Variants in PAX5 observed in about 807,000 individuals in gnomAD.
PAX5 encodes the protein paired box 5, also known as paired box protein Pax-5.
A neutral mutation model predicts 43.7 loss-of-function variants in PAX5; 9 were observed. The observed-to-expected ratio is 0.21, with a 90% CI of 0.12 to 0.36. The LOEUF (loss-of-function observed/expected upper bound fraction) is 0.36. PAX5 is among the 10% of genes least tolerant of loss of function. The pLI is 1.00. For synonymous variants in PAX5, 228 were observed against 214.3 expected (o/e 1.06, Z -0.56); for missense variants, 383 against 532.7 (o/e 0.72, Z 2.77).
chr9:36,900,192 C>A (rs773389665), intron 7 of PAX5, among the ~76,000 whole-genome samples: 2 of 152,242 alleles, frequency 1.3e-5, no homozygotes, highest in Non-Finnish European at 2.9e-5. Flanking sequence ...GCCTCCCTTG[C>A]GTGAGGGTGC....
At position 36,835,842 on chromosome 9, in the gene PAX5, C is replaced by T. The variant is rs902274946; in HGVS notation, c.*4718G>A. 4.3e-6 allele frequency: 1 copy of T among 233,308 alleles called. No homozygotes were observed. Among genetic ancestry groups the T allele is most frequent in the African/African-American group, 2.2e-5 (1 of 45,440 alleles). 14.5% of individuals were successfully genotyped at this position (233,308 alleles called of 1,614,324 possible). A position where few individuals can be genotyped will look rare whatever the true frequency, so the allele number is the denominator to read the frequency against. ...GGTCTAGCTCAGAGCCCTGTGGGAT[C>T]CACCCATGCCTGCCTGGGCCTGGCC... On this transcript the variant is annotated 3_prime_UTR_variant, in exon 10 of 10. Transcript: ENST00000358127.
In PAX5 at chr9:36,966,682, C is replaced by T. The variant is rs779726338; in HGVS notation, c.647G>A (p.Gly216Asp). ...SPVPNGHSLPGRDFLRKQMRG... is the reference protein window; with the variant it reads ...SPVPNGHSLPDRDFLRKQMRG... ...CATCTGCTTCCGGAGGAAGTCTCTGCCCGGAAGCGAGTGGCCGTTCGGCAC... is the reference window on the plus strand; with the variant it reads ...CATCTGCTTCCGGAGGAAGTCTCTGTCCGGAAGCGAGTGGCCGTTCGGCAC... Residue 216 changes from glycine (G) to aspartate (D), a missense_variant, in exon 6 of 10, where the codon GGC becomes GAC. Coordinates refer to ENST00000358127, the MANE Select transcript of PAX5 (RefSeq NM_016734.3). The T allele has an allele frequency of 6.2e-7, 1 of 1,614,198 alleles. No homozygotes were observed. The highest frequency in any genetic ancestry group is 8.5e-7 in the Non-Finnish European group (1 of 1,180,024).
At chr9:36,910,070 T>G (rs1197513446) in intron 7 of PAX5, among the ~76,000 whole-genome samples, 2 of 152,114 alleles carry the variant, frequency 1.3e-5, no homozygotes, top group East Asian at 3.9e-4. Context: ...CAATCCACCC[T>G]CTTAATGTTA....
At chr9:36,844,189 A>C (rs1822347177) in intron 9 of PAX5, among the ~76,000 whole-genome samples, 2 of 152,222 alleles carry the variant, frequency 1.3e-5, no homozygotes, top group South Asian at 2.1e-4. Flanking sequence ...TTCAGGACTC[A>C]GGACTCCCAA....
At chr9:36,919,543 T>C (rs886461311) in intron 7 of PAX5, among the ~76,000 whole-genome samples, 10 of 151,976 alleles carry the variant, frequency 6.6e-5, no homozygotes, top group Non-Finnish European at 1.2e-4. Flanking sequence ...AAAGATACCA[T>C]TAAGAACATT....
intron 5 of PAX5, among the ~76,000 whole-genome samples, chr9:36,984,811 C>A (rs1384001852): frequency 6.6e-6 from 1 of 152,168 alleles, no homozygotes; most frequent in African/African-American, 2.4e-5. Flanking sequence ...ACTCACCACA[C>A]TCGCCTATCA....
At chr9:36,949,575 C>A (rs1275502155) in intron 6 of PAX5, among the ~76,000 whole-genome samples, 1 of 152,228 alleles carries the variant, frequency 6.6e-6, no homozygotes, top group African/African-American at 2.4e-5. Context: ...TTTATTACCA[C>A]AATCTCCCAA....
chr9:36,955,058 A>T (rs1195453515), intron 6 of PAX5, among the ~76,000 whole-genome samples: 1 of 151,970 alleles, frequency 6.6e-6, no homozygotes, highest in Non-Finnish European at 1.5e-5. Context: ...ATTTCTAGAA[A>T]ATTTATTTGA....
chr9:36,928,879 T>C (rs1830875949), intron 6 of PAX5, among the ~76,000 whole-genome samples: 1 of 152,210 alleles, frequency 6.6e-6, no homozygotes, highest in South Asian at 2.1e-4. Flanking sequence ...AAATTCCTTA[T>C]CAATCCCTCC....
intron 7 of PAX5, among the ~76,000 whole-genome samples, chr9:36,885,098 C>T (rs960204647): frequency 7.2e-5 from 11 of 152,226 alleles, no homozygotes; most frequent in Non-Finnish European, 1.6e-4. Flanking sequence ...CTGGGTTGTT[C>T]CTTGCAAGGA....
intron 5 of PAX5, among the ~76,000 whole-genome samples, chr9:37,000,705 C>G (rs1348005952): frequency 6.6e-6 from 1 of 152,182 alleles, no homozygotes; most frequent in African/African-American, 2.4e-5. Context: ...CTTACATATC[C>G]CCAGAGATAG....
At chr9:36,947,069 T>C (rs1395203099) in intron 6 of PAX5, among the ~76,000 whole-genome samples, 1 of 152,270 alleles carries the variant, frequency 6.6e-6, no homozygotes, top group African/African-American at 2.4e-5. Context: ...GTGCTATAAT[T>C]TGACATCCAG....
At chr9:37,018,443 CA>C (rs1839574905) in intron 2 of PAX5, among the ~76,000 whole-genome samples, 1 of 151,964 alleles carries the variant, frequency 6.6e-6, no homozygotes, top group Non-Finnish European at 1.5e-5. Flanking sequence ...CCTGAGATGA[CA>C]GGGGTCCCTG....
chr9:36,935,788 C>A (rs1033488380), intron 6 of PAX5, among the ~76,000 whole-genome samples: 1 of 152,230 alleles, frequency 6.6e-6, no homozygotes, highest in African/African-American at 2.4e-5. Context: ...CCGAGGCAGC[C>A]ACACAGCTCC....
At chr9:36,937,755 C>T (rs972099490) in intron 6 of PAX5, among the ~76,000 whole-genome samples, 1 of 152,224 alleles carries the variant, frequency 6.6e-6, no homozygotes, top group Non-Finnish European at 1.5e-5. Flanking sequence ...ATAGGTTTAG[C>T]CGCAGATGTT....
At chr9:36,862,632 G>T (rs1824331774) in intron 8 of PAX5, among the ~76,000 whole-genome samples, 1 of 152,218 alleles carries the variant, frequency 6.6e-6, no homozygotes, top group Admixed American at 6.5e-5. Flanking sequence ...AGCCACCCCT[G>T]GCTGGGGGCG....
At chr9:36,952,330 C>A (rs1338377365) in intron 6 of PAX5, among the ~76,000 whole-genome samples, 2 of 150,516 alleles carry the variant, frequency 1.3e-5, no homozygotes, top group African/African-American at 4.9e-5. Context: ...ACCTCCGCCT[C>A]CCAAGTTCAA....
In PAX5 at chr9:37,033,995, T is replaced by C. The variant is rs1338245101; in HGVS notation, c.37A>G (p.Ser13Gly). 1.2e-6 allele frequency: 2 copies of C among 1,611,452 alleles called. No individual in the cohort carries two copies. Among genetic ancestry groups the C allele is most frequent in the South Asian group, 1.1e-5 (1 of 90,832 alleles). Residue 13 changes from serine (S) to glycine (G), a missense_variant, in exon 1 of 10, where the codon AGC becomes GGC. Ser to Gly is a moderately conservative substitution (Grantham distance 56, BLOSUM62 0). Transcript: ENST00000358127. Reference protein sequence around the residue: ...LEKNYPTPRTSRTGHGGVNQL... With the variant: ...LEKNYPTPRTGRTGHGGVNQL... ...CGTATCGCGGTCCTACCTGTCCTGCTGGTCCGAGGAGTCGGATAATTTTTC... is the reference window on the plus strand; with the variant it reads ...CGTATCGCGGTCCTACCTGTCCTGCCGGTCCGAGGAGTCGGATAATTTTTC...
chr9:36,879,554 G>C (rs1030304669), intron 8 of PAX5, among the ~76,000 whole-genome samples: 1 of 152,084 alleles, frequency 6.6e-6, no homozygotes, highest in African/African-American at 2.4e-5. Context: ...GCCTCCCTGG[G>C]TGTGGGGAGT....
Sources: allele counts gnomAD v4.1 joint callset (sites outside exome capture counted in the v4.1 genomes callset), GRCh38; gene constraint gnomAD v4.1.1; transcripts MANE v1.5; gene names NCBI Gene and HGNC (gene_info 2026-07-23, HGNC 2026-07-21).